HTR7: variants seen among roughly 807,000 people sequenced by gnomAD.
HTR7 encodes the protein 5-HT-7.
A neutral mutation model predicts 34.0 loss-of-function variants in HTR7; 16 were observed. The ratio of observed to expected loss-of-function variants is 0.47; its 90% confidence interval spans 0.32 to 0.71. The LOEUF (loss-of-function observed/expected upper bound fraction) is 0.71. HTR7 is among the 30% of genes least tolerant of loss of function. HTR7 has a pLI of 0.04. For synonymous variants in HTR7, 265 were observed against 260.2 expected, an observed-to-expected ratio of 1.02 and a Z score of -0.18; for missense variants, 504 against 625.5, an observed-to-expected ratio of 0.81 and a Z score of 2.07.
At chr10:90,787,422 A>C (rs539130841) in intron 1 of HTR7, among the ~76,000 whole-genome samples, 12 of 152,124 alleles carry the variant, frequency 7.9e-5, no homozygotes, top group Non-Finnish European at 1.2e-4. Flanking sequence ...CAGGAGGCAG[A>C]GGTTGCAGTG....
intron 1 of HTR7, among the ~76,000 whole-genome samples, chr10:90,773,347 AG>A (rs1482908302): frequency 1.3e-5 from 2 of 152,156 alleles, no homozygotes; most frequent in Non-Finnish European, 2.9e-5. Context: ...GGTACATAAT[AG>A]GTGTATATAT....
At chr10:90,755,265 T>A (rs559038306) in intron 1 of HTR7, among the ~76,000 whole-genome samples, 2 of 152,340 alleles carry the variant, frequency 1.3e-5, no homozygotes, top group South Asian at 4.1e-4. Context: ...GATTTCCCAG[T>A]CCTGTGCTAA....
intron 1 of HTR7, among the ~76,000 whole-genome samples, chr10:90,799,632 C>T (rs1430736580): frequency 6.6e-6 from 1 of 152,048 alleles, no homozygotes; most frequent in Admixed American, 6.6e-5. Context: ...GATCTCATAC[C>T]AGGTATATAC....
rs776168151 is a variant in HTR7 at position 90,788,680 on chromosome 10, CA to C, written c.540-39087del. ...TACCTATACTTTGTTTAGAGTAAAA[CA>C]AAACAAAAATTTTGAATGTACTTCA... On this transcript the variant is annotated intron_variant, in intron 1 of 3. Transcript: ENST00000336152. 1.9e-3 allele frequency among the ~76,000 whole-genome samples: 291 copies of C among 151,982 alleles called. 1 individual carries two copies. The highest frequency in any genetic ancestry group is 0.01 in the Middle Eastern group (3 of 294).
chr10:90,816,453 G>T (rs1845901010), intron 1 of HTR7, among the ~76,000 whole-genome samples: 1 of 152,070 alleles, frequency 6.6e-6, no homozygotes, highest in East Asian at 1.9e-4. Context: ...AATTATTATT[G>T]GATTCCAGCT....
chr10:90,844,020 G>A (rs1846371549), intron 1 of HTR7, among the ~76,000 whole-genome samples: 1 of 152,220 alleles, frequency 6.6e-6, no homozygotes, highest in African/African-American at 2.4e-5. Flanking sequence ...TGCTACAGTG[G>A]CAGAGTTGAG....
intron 1 of HTR7, among the ~76,000 whole-genome samples, chr10:90,763,493 G>A (rs1243894770): frequency 1.3e-5 from 2 of 152,142 alleles, no homozygotes; most frequent in East Asian, 3.8e-4. Context: ...TACGTGTGCA[G>A]AACATGAAGG....
chr10:90,785,348 A>T (rs1845364604), intron 1 of HTR7, among the ~76,000 whole-genome samples: 1 of 152,192 alleles, frequency 6.6e-6, no homozygotes, highest in African/African-American at 2.4e-5. Context: ...GATCACTCAG[A>T]AAGGCCTAAA....
At chr10:90,796,913 G>GAGGC (rs1254532968) in intron 1 of HTR7, among the ~76,000 whole-genome samples, 1 of 151,848 alleles carries the variant, frequency 6.6e-6, no homozygotes, top group African/African-American at 2.4e-5. Flanking sequence ...TCGGGAGGCT[G>GAGGC]AGGCAGGAGA....
intron 1 of HTR7, among the ~76,000 whole-genome samples, chr10:90,842,100 C>T (rs1168745492): frequency 6.6e-6 from 1 of 152,170 alleles, no homozygotes; most frequent in African/African-American, 2.4e-5. Context: ...GGAACTTGAA[C>T]CTCAATGTGA....
chr10:90,754,384 G>A (rs943540147), intron 1 of HTR7, among the ~76,000 whole-genome samples: 2 of 151,630 alleles, frequency 1.3e-5, no homozygotes, highest in African/African-American at 4.8e-5. Context: ...TTACCTTCAA[G>A]GGTGAGAAAG....
intron 2 of HTR7, 146 bp downstream of exon 2, chr10:90,748,693 G>C (rs1589434040): frequency 1.2e-6 from 1 of 856,274 alleles, no homozygotes; most frequent in African/African-American, 1.7e-5. Context: ...TGGAAGACTG[G>C]AGTCTATACT....
At position 90,748,752 on chromosome 10, in the gene HTR7, C is replaced by T. The variant is rs1589434058; in HGVS notation, c.1295+87G>A. 1.0e-5 allele frequency: 14 copies of T among 1,380,348 alleles called. No homozygotes were observed. The East Asian group carries it at 3.0e-4, about 29-fold the overall frequency. 85.5% of individuals were successfully genotyped at this position (1,380,348 alleles called of 1,614,324 possible). ...TTTAGTAAAAACTAAGCTAGCTACT[C>T]GTTCAGGAAGCTTTCTGTGATGTGC... is the stretch of plus-strand genomic sequence containing the variant. On this transcript the variant is annotated intron_variant, in intron 2 of 3. Coordinates refer to ENST00000336152, the MANE Select transcript of HTR7 (RefSeq NM_019859.4).
At chr10:90,818,449 G>A (rs1845930329) in intron 1 of HTR7, among the ~76,000 whole-genome samples, 1 of 149,944 alleles carries the variant, frequency 6.7e-6, no homozygotes, top group African/African-American at 2.5e-5. Context: ...GGGAAGCTGA[G>A]GCAGAAGAAT....
intron 1 of HTR7, among the ~76,000 whole-genome samples, chr10:90,843,034 A>C (rs1290590670): frequency 6.6e-6 from 1 of 152,178 alleles, no homozygotes; most frequent in Non-Finnish European, 1.5e-5. Context: ...AATGTCTTAT[A>C]GGAAGCTGCA....
chr10:90,829,845 A>G (rs887726091), intron 1 of HTR7, among the ~76,000 whole-genome samples: 4 of 152,232 alleles, frequency 2.6e-5, no homozygotes, highest in Admixed American at 2.0e-4. Flanking sequence ...CAACCTGAAA[A>G]AGAAATCAAG....
At chr10:90,781,071 T>C (rs944746703) in intron 1 of HTR7, among the ~76,000 whole-genome samples, 10 of 152,212 alleles carry the variant, frequency 6.6e-5, no homozygotes, top group Non-Finnish European at 1.5e-4. Flanking sequence ...TAATGCAAAA[T>C]AGTATGAATT....
intron 1 of HTR7, among the ~76,000 whole-genome samples, chr10:90,845,119 T>C (rs1011343953): frequency 3.9e-5 from 6 of 151,986 alleles, no homozygotes; most frequent in Non-Finnish European, 8.8e-5. Context: ...AAAGCTGAAG[T>C]GGAAAGTTTC....
At chr10:90,815,073 ATTTT>A (rs560360112) in intron 1 of HTR7, among the ~76,000 whole-genome samples, 5 of 140,556 alleles carry the variant, frequency 3.6e-5, no homozygotes, top group Admixed American at 1.4e-4. Context: ...CAAAAGTTGG[ATTTT>A]TTTTTTGTTT....
Sources: gnomAD v4.1 joint callset for allele counts (sites outside exome capture counted in the v4.1 genomes callset) on GRCh38, gnomAD v4.1.1 for gene constraint, MANE v1.5 for transcripts, NCBI Gene and HGNC (gene_info 2026-07-23, HGNC 2026-07-21) for gene names.